SAMD5: variants seen among roughly 807,000 people sequenced by gnomAD.
The protein encoded by SAMD5 is sterile alpha motif domain-containing protein 5.
A neutral mutation model predicts 11.3 loss-of-function variants in SAMD5; 13 were observed. The observed-to-expected ratio is 1.15, with a 90% CI of 0.75 to 1.83. The LOEUF is 1.83. Ranked by LOEUF, SAMD5 falls within the 40% of genes most tolerant of loss-of-function variation. SAMD5 has a pLI of 0.00. For missense variants in SAMD5, 255 were observed against 239.1 expected, an observed-to-expected ratio of 1.07 and a Z score of -0.44; for synonymous variants, 129 against 111.3, an observed-to-expected ratio of 1.16 and a Z score of -1.00.
rs1198475320 is a variant in SAMD5 at position 147,509,120 on chromosome 6, G to T, written c.192G>T (p.Glu64Asp). The T allele has an allele frequency of 7.0e-6, 11 of 1,577,270 alleles. No individual in the cohort carries two copies. The highest frequency in any genetic ancestry group is 1.8e-5 in the Admixed American group (1 of 54,910). Residue 64 changes from glutamate (E) to aspartate (D), a missense_variant, in exon 1 of 2, where the codon GAG becomes GAT. By Grantham distance (45) the Glu-to-Asp change is conservative (BLOSUM62 2). Transcript: ENST00000367474. The part of the protein sequence containing the change: ...RILEAVRRLR[E>D]QDANAAGLYF... ...TGGAGGCCGTGCGCCGGCTGCGGGAGCAGGACGCCAACGCCGCCGGCCTCT... is the reference window on the plus strand; with the variant it reads ...TGGAGGCCGTGCGCCGGCTGCGGGATCAGGACGCCAACGCCGCCGGCCTCT...
At chr6:147,898,451 T>G in the SAMD5 span, among the ~76,000 whole-genome samples, 51 of 152,326 alleles carry the variant, frequency 3.3e-4, no homozygotes, top group South Asian at 9.7e-3. Context: ...AGAACTGGTT[T>G]TCCCTGAAGT....
At chr6:147,522,911 G>T (rs1411640505) in intron 1 of SAMD5, among the ~76,000 whole-genome samples, 1 of 152,136 alleles carries the variant, frequency 6.6e-6, no homozygotes, top group Non-Finnish European at 1.5e-5. Flanking sequence ...TTTTTGAACT[G>T]GGGACAGAGA....
intron 1 of SAMD5, among the ~76,000 whole-genome samples, chr6:147,601,526 G>C (rs1293643842): frequency 6.6e-6 from 1 of 152,126 alleles, no homozygotes; most frequent in Non-Finnish European, 1.5e-5. Context: ...GTTTTAGAGA[G>C]TAGGAACTTT....
the SAMD5 span, among the ~76,000 whole-genome samples, chr6:147,835,895 AC>A: frequency 6.6e-6 from 1 of 151,604 alleles, no homozygotes; most frequent in Non-Finnish European, 1.5e-5. Flanking sequence ...CGTCCCCATC[AC>A]CCCACACCTG....
At chr6:147,773,197 C>T in the SAMD5 span, among the ~76,000 whole-genome samples, 2 of 152,204 alleles carry the variant, frequency 1.3e-5, no homozygotes, top group Non-Finnish European at 2.9e-5. Flanking sequence ...TTGGGGTACA[C>T]ATTATTTAAA....
intron 1 of SAMD5, among the ~76,000 whole-genome samples, chr6:147,521,015 C>T (rs1455412791): frequency 6.6e-6 from 1 of 152,112 alleles, no homozygotes. Context: ...TTTTCCCATT[C>T]TCCTTCCCTC....
chr6:147,939,474 G>A, the SAMD5 span, among the ~76,000 whole-genome samples: 2 of 152,162 alleles, frequency 1.3e-5, no homozygotes, highest in South Asian at 4.1e-4. Context: ...ACCAAGAGTT[G>A]CGTCTTTAAA....
chr6:147,729,064 G>A (rs1279846648), intron 1 of SAMD5, among the ~76,000 whole-genome samples: 1 of 152,166 alleles, frequency 6.6e-6, no homozygotes, highest in Non-Finnish European at 1.5e-5. Flanking sequence ...AGCAGGGTTG[G>A]TTTCTCCTGA....
intron 1 of SAMD5, among the ~76,000 whole-genome samples, chr6:147,577,763 A>G (rs1789237086): frequency 6.6e-6 from 1 of 152,026 alleles, no homozygotes. Context: ...CATTGATATA[A>G]ACCAAAATAG....
At chr6:147,904,145 G>A in the SAMD5 span, among the ~76,000 whole-genome samples, 1 of 152,112 alleles carries the variant, frequency 6.6e-6, no homozygotes, top group African/African-American at 2.4e-5. Flanking sequence ...GGCACTAACT[G>A]CCAGCTATTC....
chr6:147,702,350 A>G (rs888352905), intron 1 of SAMD5, among the ~76,000 whole-genome samples: 5 of 152,194 alleles, frequency 3.3e-5, no homozygotes, highest in African/African-American at 1.2e-4. Context: ...CCCAGGTAAA[A>G]TTCAGTATGC....
intron 1 of SAMD5, among the ~76,000 whole-genome samples, chr6:147,586,495 C>T (rs17327457): frequency 0.018 from 2,724 of 152,058 alleles, 46 homozygotes; most frequent in Non-Finnish European, 0.03. Flanking sequence ...TGGATATTTA[C>T]GGAGAAATTG....
intron 1 of SAMD5, among the ~76,000 whole-genome samples, chr6:147,693,147 C>G (rs79300977): frequency 0.11 from 17,001 of 152,222 alleles, 1,039 homozygotes; most frequent in Middle Eastern, 0.15. Flanking sequence ...TATGAGAGCA[C>G]GAGCACCTGT....
intron 1 of SAMD5, among the ~76,000 whole-genome samples, chr6:147,699,597 G>A (rs1791224345): frequency 6.6e-6 from 1 of 152,116 alleles, no homozygotes; most frequent in African/African-American, 2.4e-5. Flanking sequence ...TTAACTAAGA[G>A]TCCTGATCTT....
the SAMD5 span, among the ~76,000 whole-genome samples, chr6:147,749,702 T>C: frequency 2.0e-5 from 3 of 152,148 alleles, no homozygotes; most frequent in Non-Finnish European, 2.9e-5. Flanking sequence ...TCAGAGGATA[T>C]ATTGACTCTG....
chr6:147,951,427 G>T, the SAMD5 span, among the ~76,000 whole-genome samples: 1 of 151,954 alleles, frequency 6.6e-6, no homozygotes, highest in Admixed American at 6.6e-5. Flanking sequence ...TGATCCACCC[G>T]CCTTGGCCTC....
chr6:147,533,639 G>A (rs1220030965), intron 1 of SAMD5, among the ~76,000 whole-genome samples: 1 of 151,810 alleles, frequency 6.6e-6, no homozygotes, highest in Non-Finnish European at 1.5e-5. Flanking sequence ...AAACCTAGAG[G>A]ATGTGTGTCT....
chr6:147,594,854 G>A (rs570837375), intron 1 of SAMD5, among the ~76,000 whole-genome samples: 2 of 152,328 alleles, frequency 1.3e-5, no homozygotes, highest in East Asian at 3.9e-4. Flanking sequence ...CAGGAAGACT[G>A]AAGTAACTTC....
chr6:147,646,982 A>G (rs1027656487), intron 1 of SAMD5, among the ~76,000 whole-genome samples: 1 of 43,830 alleles, frequency 2.3e-5, no homozygotes, highest in African/African-American at 6.6e-5. Flanking sequence ...TAATAATAAT[A>G]ATAATAATAA....
Sources: allele counts gnomAD v4.1 joint callset (sites outside exome capture counted in the v4.1 genomes callset), GRCh38; gene constraint gnomAD v4.1.1; transcripts MANE v1.5; gene names NCBI Gene and HGNC (gene_info 2026-07-23, HGNC 2026-07-21).